The following BSN variants were observed in gnomAD, a reference collection of about 807,000 sequenced individuals.
BSN encodes bassoon presynaptic cytomatrix protein, also known as protein bassoon.
Under a neutral mutation model 264.8 loss-of-function variants are expected in BSN, and 57 were observed. That is an observed-to-expected ratio of 0.22 (90% CI 0.17 to 0.27). The LOEUF (loss-of-function observed/expected upper bound fraction) is 0.27, where lower values mean the gene tolerates loss of function less well. Among genes scored for constraint, BSN ranks in the 10% least tolerant of loss-of-function variants. BSN has a pLI of 1.00. For synonymous variants in BSN, 2,059 were observed against 2,137.3 expected, an observed-to-expected ratio of 0.96 and a Z score of 1.01; for missense variants, 4,615 against 5,232.5, an observed-to-expected ratio of 0.88 and a Z score of 3.64.
chr3:49,580,758 T>A (rs1305774326), intron 1 of BSN, among the ~76,000 whole-genome samples: 4 of 151,922 alleles, frequency 2.6e-5, no homozygotes, highest in African/African-American at 9.7e-5. Flanking sequence ...CTGTGCCTGG[T>A]CACATTATTA....
chr3:49,655,386 C>T lies in BSN; in HGVS notation c.5830C>T (p.Pro1944Ser), dbSNP rs747380841. ...PGQSSSPFYG[P>S]RDPEPPEPPT... ...CCAAAGCAGCAGCCCCTTCTATGGT[C>T]CCCGGGACCCTGAGCCTCCTGAGCC... is the stretch of plus-strand genomic sequence containing the variant. Residue 1944 changes from proline to serine, a missense_variant, in exon 5 of 12, where the codon CCC (proline) becomes TCC (serine). By Grantham distance (74) the Pro-to-Ser change is moderately conservative (BLOSUM62 -1). Transcript: ENST00000296452. 1.3e-6 allele frequency: 2 copies of T among 1,578,004 alleles called. No homozygotes were observed. Among genetic ancestry groups the T allele is most frequent in the South Asian group, 2.4e-5 (2 of 84,588 alleles).
At chr3:49,665,401 C>T (rs2052705441) in intron 11 of BSN, 83 bp downstream of exon 11, 1 of 152,434 alleles carries the variant, frequency 6.6e-6, no homozygotes, top group Admixed American at 6.5e-5. Flanking sequence ...CCAGTTCTGA[C>T]AAGTGTGAAC....
Position 49,653,320 on chromosome 3 carries a change from C to G in BSN, c.3764C>G (p.Ala1255Gly), listed in dbSNP as rs1275235320. The G allele has an allele frequency of 6.2e-7, 1 of 1,612,030 alleles. No homozygotes were observed. The highest frequency in any genetic ancestry group is 2.2e-5 in the East Asian group (1 of 44,876). Residue 1255 changes from alanine to glycine, a missense_variant, in exon 5 of 12, where the codon GCC (alanine) becomes GGC (glycine). Ala to Gly is a moderately conservative substitution (Grantham distance 60, BLOSUM62 0). Coordinates refer to ENST00000296452, the MANE Select transcript of BSN (RefSeq NM_003458.4). This position sits in a 1 kb window ranked among gnomAD's most constrained non-coding sequence, Gnocchi z 6.3. ...GGCACGCCAGCCAGCCTGGGAGCAG[C>G]CGTGTACGAAGAAATCCTTCAGACA... ...AEGTPASLGAAVYEEILQTSQ... is the reference protein window; with the variant it reads ...AEGTPASLGAGVYEEILQTSQ...
Position 49,653,924 on chromosome 3 carries a change from G to C in BSN, c.4368G>C (p.Ala1456=), listed in dbSNP as rs752755708. The change falls in exon 5 of 12, where the codon GCG becomes GCC. Residue 1456 remains alanine (A), a synonymous_variant. Transcript: ENST00000296452. This position sits in a 1 kb window ranked among gnomAD's most constrained non-coding sequence, Gnocchi z 6.3. ...CTGCTAGAGAGAAGCCCTTGAGTGC[G>C]AGTGACGGTGAGGGTGGCACTCCTC... ...GRAAREKPLS[A]SDGEGGTPQP... is the part of the protein sequence containing the mutation. 1 of 1,614,128 alleles carries C rather than the reference G, an allele frequency of 6.2e-7. No homozygotes were observed. The highest frequency in any genetic ancestry group is 1.1e-5 in the South Asian group (1 of 91,084).
At chr3:49,631,480 C>T (rs1408589556) in intron 2 of BSN, among the ~76,000 whole-genome samples, 2 of 151,376 alleles carry the variant, frequency 1.3e-5, no homozygotes, top group Non-Finnish European at 2.9e-5. Context: ...ATCACTTGAG[C>T]CTGGGAAAAT....
intron 2 of BSN, among the ~76,000 whole-genome samples, chr3:49,626,311 C>T (rs1006148078): frequency 6.6e-6 from 1 of 152,168 alleles, no homozygotes; most frequent in Admixed American, 6.5e-5. Context: ...GCATGGCTGC[C>T]TCTGGGATTA....
intron 1 of BSN, among the ~76,000 whole-genome samples, chr3:49,570,199 C>A (rs2051784935): frequency 6.6e-6 from 1 of 152,146 alleles, no homozygotes; most frequent in African/African-American, 2.4e-5. Flanking sequence ...GATTGCCTGG[C>A]AGCCTAAGAT....
At chr3:49,633,769 C>A (rs947887854) in intron 2 of BSN, among the ~76,000 whole-genome samples, 1 of 152,116 alleles carries the variant, frequency 6.6e-6, no homozygotes, top group Admixed American at 6.6e-5. Context: ...AGAGGAAGGA[C>A]AATCTGACAC....
Position 49,652,238 on chromosome 3 carries a change from G to C in BSN, c.2682G>C (p.Lys894Asn). Residue 894 changes from lysine to asparagine, a missense_variant, in exon 5 of 12, where the codon AAG becomes AAC. By Grantham distance (94) the Lys-to-Asn change is moderately conservative. Coordinates refer to ENST00000296452, the MANE Select transcript of BSN (RefSeq NM_003458.4). ...GCCAAGAACCAGCAGCACTGCCCAA[G>C]AGGCGCCTGCCCCACAATGCCACCA... ...EPSQEPAALP[K>N]RRLPHNATTG... is the part of the protein sequence containing the mutation. 1.9e-6 allele frequency: 3 copies of C among 1,607,818 alleles called. No individual in the cohort carries two copies. The highest frequency in any genetic ancestry group is 2.5e-6 in the Non-Finnish European group (3 of 1,176,486).
At position 49,663,195 on chromosome 3, in the gene BSN, C is replaced by T; in HGVS notation, c.11037C>T (p.Ala3679=). 1 of 1,613,894 alleles carries T rather than the reference C, an allele frequency of 6.2e-7. No individual in the cohort carries two copies. Among genetic ancestry groups the T allele is most frequent in the Non-Finnish European group, 8.5e-7 (1 of 1,179,992 alleles). The change falls in exon 7 of 12, where the codon GCC becomes GCT. Residue 3679 remains alanine (A), a synonymous_variant. Coordinates refer to ENST00000296452, the MANE Select transcript of BSN (RefSeq NM_003458.4). ...CTCGGGACCTGGGTCGCCATGAGGC[C>T]CGGCCCCACTCTCAGCCCAGCTCTG... The part of the protein sequence containing the change: ...PHARDLGRHE[A]RPHSQPSSAP...
chr3:49,573,247 G>A (rs1048730800), intron 1 of BSN, among the ~76,000 whole-genome samples: 1 of 152,200 alleles, frequency 6.6e-6, no homozygotes, highest in Non-Finnish European at 1.5e-5. Flanking sequence ...TAGGAGTCAA[G>A]GAAATAGGTA....
chr3:49,622,050 G>C (rs2052311373), intron 1 of BSN, among the ~76,000 whole-genome samples: 1 of 152,130 alleles, frequency 6.6e-6, no homozygotes, highest in Non-Finnish European at 1.5e-5. Context: ...CCAATAGAGA[G>C]GGGGAAATGG....
intron 3 of BSN, among the ~76,000 whole-genome samples, chr3:49,643,469 C>G (rs2052482833): frequency 6.6e-6 from 1 of 152,238 alleles, no homozygotes; most frequent in African/African-American, 2.4e-5. Flanking sequence ...ATGAAAGACA[C>G]CAACCTCCCC....
In BSN at chr3:49,655,010, C is replaced by T. The variant is rs369243978; in HGVS notation, c.5454C>T (p.Ile1818=). 15 of 1,613,184 alleles carry T rather than the reference C, an allele frequency of 9.3e-6. No homozygotes were observed. The highest frequency in any genetic ancestry group is 2.7e-5 in the African/African-American group (2 of 74,956). Reference sequence around the variant, plus strand: ...CTCTGGCCAGAAGAGACGTTTTGATCACTCAGATGGGCACCGCCCAGAGCA... The same window carrying T: ...CTCTGGCCAGAAGAGACGTTTTGATTACTCAGATGGGCACCGCCCAGAGCA... ...VAPLARRDVL[I]TQMGTAQSIG... is the part of the protein sequence containing the mutation. The change falls in exon 5 of 12, where the codon ATC becomes ATT. Residue 1818 remains isoleucine (I), a synonymous_variant. Coordinates refer to ENST00000296452, the MANE Select transcript of BSN (RefSeq NM_003458.4).
intron 1 of BSN, among the ~76,000 whole-genome samples, chr3:49,571,387 G>C (rs2051793802): frequency 6.6e-6 from 1 of 152,122 alleles, no homozygotes; most frequent in African/African-American, 2.4e-5. Context: ...GAAGGGTCAG[G>C]GCATCCAGTG....
rs886258077 is a variant in BSN at position 49,642,212 on chromosome 3, G to T, written c.634-56G>T. 1.1e-5 allele frequency: 15 copies of T among 1,405,284 alleles called. No homozygotes were observed. The highest frequency in any genetic ancestry group is 1.4e-5 in the African/African-American group (1 of 69,024). 87.1% of individuals were successfully genotyped at this position (1,405,284 alleles called of 1,614,324 possible). On this transcript the variant is annotated intron_variant, in intron 2 of 11. Coordinates refer to ENST00000296452, the MANE Select transcript of BSN (RefSeq NM_003458.4). This position sits in a 1 kb window ranked among gnomAD's most constrained non-coding sequence, Gnocchi z 7.0. The stretch of plus-strand genomic sequence containing the variant: ...TGCTGTGGGGCCTGCACTGACCTGG[G>T]CCATGAGTACTGCCAATCCTGGCCA...
At chr3:49,583,717 C>G (rs927625354) in intron 1 of BSN, among the ~76,000 whole-genome samples, 6 of 152,126 alleles carry the variant, frequency 3.9e-5, no homozygotes, top group African/African-American at 1.2e-4. Flanking sequence ...TTTAAAATTA[C>G]TTATTCAGTT....
At chr3:49,599,138 G>C (rs1038773320) in intron 1 of BSN, among the ~76,000 whole-genome samples, 1 of 152,192 alleles carries the variant, frequency 6.6e-6, no homozygotes, top group African/African-American at 2.4e-5. Context: ...TGCTCCATCA[G>C]TGTTTGGCCA....
intron 2 of BSN, among the ~76,000 whole-genome samples, chr3:49,629,055 C>T (rs550808745): frequency 6.6e-6 from 1 of 152,172 alleles, no homozygotes; most frequent in Non-Finnish European, 1.5e-5. Context: ...CTCCCTCTGA[C>T]AATGCACTGA....
Sources: allele counts gnomAD v4.1 joint callset (sites outside exome capture counted in the v4.1 genomes callset), GRCh38; gene constraint gnomAD v4.1.1; non-coding constraint Gnocchi (gnomAD v3.1); transcripts MANE v1.5; gene names NCBI Gene and HGNC (gene_info 2026-07-23, HGNC 2026-07-21).